KLHL20: variants seen among roughly 807,000 people sequenced by gnomAD.
The protein encoded by KLHL20 is kelch like family member 20, also known as kelch-like protein 20.
Under a neutral mutation model 69.5 loss-of-function variants are expected in KLHL20, and 29 were observed. The ratio of observed to expected loss-of-function variants is 0.42; its 90% confidence interval spans 0.31 to 0.57. The LOEUF (loss-of-function observed/expected upper bound fraction) is 0.57, where lower values mean the gene tolerates loss of function less well. KLHL20 is among the 20% of genes least tolerant of loss of function. The probability of loss-of-function intolerance (pLI) is 0.18; values close to 1 mark genes in which losing one functional copy is unlikely to be tolerated. For synonymous variants in KLHL20, 253 were observed against 265.2 expected (o/e 0.95, Z 0.45); for missense variants, 419 against 776.0 (o/e 0.54, Z 5.47).
In KLHL20 at chr1:173,750,378, C is replaced by T. The variant is rs191510530; in HGVS notation, c.598-1386C>T. ...GAGTGCTGTGATGGTGGTACACCTA[C>T]GGCGTACTGCAGCCTTGACCTCCTG... On this transcript the variant is annotated intron_variant, in intron 3 of 11. Transcript: ENST00000209884. Among the ~76,000 whole-genome samples the T allele has an allele frequency of 3.4e-4, 52 of 152,226 alleles. 1 individual carries two copies. In the East Asian group the frequency reaches 8.7e-3, roughly 25 times the overall value.
chr1:173,752,935 AG>A (rs1288571047), intron 4 of KLHL20, among the ~76,000 whole-genome samples: 1 of 152,146 alleles, frequency 6.6e-6, no homozygotes, highest in African/African-American at 2.4e-5. Context: ...TGGGAGGATA[AG>A]GCAGGCAGAT....
intron 2 of KLHL20, 108 bp from the exon 3 acceptor site, chr1:173,733,605 C>A: frequency 2.0e-6 from 2 of 1,004,308 alleles, no homozygotes; most frequent in Non-Finnish European, 1.5e-6. Flanking sequence ...AAAAAAAAAT[C>A]ACCAAGCTAA....
intron 3 of KLHL20, among the ~76,000 whole-genome samples, chr1:173,737,952 T>C (rs1672614088): frequency 6.7e-6 from 1 of 150,186 alleles, no homozygotes; most frequent in Admixed American, 6.6e-5. Flanking sequence ...ATTTTATCTT[T>C]TTTTTTTTTT....
In KLHL20 at chr1:173,733,791, A is replaced by T; in HGVS notation, c.102A>T (p.Pro34=). 6.2e-7 allele frequency: 1 copy of T among 1,614,180 alleles called. No homozygotes were observed. The highest frequency in any genetic ancestry group is 8.5e-7 in the Non-Finnish European group (1 of 1,180,020). ...CCCTTGGAGACCCCAACAAACTGCC[A>T]GAAGGGGTTCCCCAACCTGCCCGCA... ...RCTLGDPNKL[P]EGVPQPARMP... is the part of the protein sequence containing the mutation. Residue 34 remains proline, a synonymous_variant, in exon 3 of 12, where the codon CCA becomes CCT. Transcript: ENST00000209884.
intron 7 of KLHL20, among the ~76,000 whole-genome samples, chr1:173,761,014 TCA>T (rs1270650284): frequency 6.6e-6 from 1 of 152,124 alleles, no homozygotes; most frequent in African/African-American, 2.4e-5. Flanking sequence ...ACATAAGGAC[TCA>T]CATAAACTTA....
chr1:173,755,025 A>T (rs1314508653), intron 5 of KLHL20, among the ~76,000 whole-genome samples: 1 of 150,876 alleles, frequency 6.6e-6, no homozygotes, highest in East Asian at 1.9e-4. Flanking sequence ...CCCTCAAATG[A>T]CCTAACAAGC....
chr1:173,727,110 C>T (rs1416945552), intron 2 of KLHL20, among the ~76,000 whole-genome samples: 1 of 151,522 alleles, frequency 6.6e-6, no homozygotes, highest in African/African-American at 2.4e-5. Context: ...GCAGAAGCCT[C>T]AGTAGCTGAT....
intron 3 of KLHL20, among the ~76,000 whole-genome samples, chr1:173,744,645 T>C (rs1314513406): frequency 2.0e-5 from 3 of 152,182 alleles, no homozygotes; most frequent in African/African-American, 4.8e-5. Flanking sequence ...GTGTGAAATA[T>C]GGACCTAATT....
intron 7 of KLHL20, among the ~76,000 whole-genome samples, chr1:173,765,939 T>C (rs910568584): frequency 6.6e-6 from 1 of 152,136 alleles, no homozygotes; most frequent in Non-Finnish European, 1.5e-5. Flanking sequence ...TCAATAATAT[T>C]CTGATTTTTT....
chr1:173,775,417 A>G (rs543892437), intron 9 of KLHL20, among the ~76,000 whole-genome samples: 5 of 152,298 alleles, frequency 3.3e-5, no homozygotes, highest in African/African-American at 1.2e-4. Flanking sequence ...CTGGATCCCA[A>G]CACGTGCCCT....
intron 10 of KLHL20, chr1:173,781,874 T>G (rs373046600): frequency 2.9e-6 from 1 of 340,402 alleles, no homozygotes; most frequent in Non-Finnish European, 5.5e-6. Flanking sequence ...TCACTTCTAG[T>G]GAACAGTTTT....
intron 2 of KLHL20, among the ~76,000 whole-genome samples, chr1:173,731,933 C>T (rs1177133383): frequency 6.6e-6 from 1 of 152,140 alleles, no homozygotes; most frequent in East Asian, 1.9e-4. Context: ...CACAGTGGCT[C>T]ATACCTGTAA....
intron 2 of KLHL20, among the ~76,000 whole-genome samples, chr1:173,717,284 A>G (rs1671511953): frequency 6.6e-6 from 1 of 152,210 alleles, no homozygotes; most frequent in African/African-American, 2.4e-5. Flanking sequence ...TTGGTTTATC[A>G]GTAGTCTATA....
At chr1:173,759,328 T>C (rs906509919) in intron 7 of KLHL20, among the ~76,000 whole-genome samples, 7 of 152,024 alleles carry the variant, frequency 4.6e-5, no homozygotes, top group African/African-American at 1.7e-4. Context: ...GGGCATATAA[T>C]CTTGGGAGTT....
chr1:173,731,866 A>T (rs551887240), intron 2 of KLHL20, among the ~76,000 whole-genome samples: 5 of 152,236 alleles, frequency 3.3e-5, no homozygotes, highest in South Asian at 2.1e-4. Flanking sequence ...AAGTATAATT[A>T]AAAAAACATT....
chr1:173,756,506 G>A (rs1236365290), intron 6 of KLHL20, among the ~76,000 whole-genome samples: 1 of 152,138 alleles, frequency 6.6e-6, no homozygotes, highest in African/African-American at 2.4e-5. Flanking sequence ...ACTCCAGCCT[G>A]GGGAACAGAA....
intron 2 of KLHL20, among the ~76,000 whole-genome samples, chr1:173,718,168 T>G (rs1455374150): frequency 6.6e-6 from 1 of 151,878 alleles, no homozygotes; most frequent in African/African-American, 2.4e-5. Flanking sequence ...GCTCAAGCAG[T>G]CCCCCTGCCT....
At chr1:173,731,509 CAT>C (rs1280491009) in intron 2 of KLHL20, among the ~76,000 whole-genome samples, 1 of 152,158 alleles carries the variant, frequency 6.6e-6, no homozygotes, top group African/African-American at 2.4e-5. Flanking sequence ...AAATGTGGCA[CAT>C]ATACACCATG....
chr1:173,724,961 TCACTTTG>T (rs1351315175), intron 2 of KLHL20, among the ~76,000 whole-genome samples: 1 of 152,222 alleles, frequency 6.6e-6, no homozygotes, highest in Non-Finnish European at 1.5e-5. Flanking sequence ...TGATATAAGT[TCACTTTG>T]TTATGCTCAT....
Sources: gnomAD v4.1 joint callset for allele counts (sites outside exome capture counted in the v4.1 genomes callset) on GRCh38, gnomAD v4.1.1 for gene constraint, MANE v1.5 for transcripts, NCBI Gene and HGNC (gene_info 2026-07-23, HGNC 2026-07-21) for gene names.